The following MAOB variants were observed in gnomAD, a reference collection of about 807,000 sequenced individuals.
MAOB encodes monoamine oxidase B.
In MAOB, 15 loss-of-function variants were observed where a neutral mutation model predicts 41.9. The ratio of observed to expected loss-of-function variants is 0.36; its 90% CI spans 0.24 to 0.55. The LOEUF (loss-of-function observed/expected upper bound fraction) is 0.55. Ranked by LOEUF, MAOB falls within the 20% of genes least tolerant of loss-of-function variation. The probability of loss-of-function intolerance (pLI) is 0.86; values close to 1 mark genes in which losing one functional copy is unlikely to be tolerated. For missense variants in MAOB, 345 were observed against 398.7 expected (o/e 0.87, Z 1.15); for synonymous variants, 167 against 144.2 (o/e 1.16, Z -1.13).
At chrX:43,819,235 C>A (rs935324110) in intron 3 of MAOB, among the ~76,000 whole-genome samples, 2 of 111,847 alleles carry the variant, frequency 1.8e-5, no homozygotes, top group South Asian at 7.5e-4. Context: ...TTCAGTTACT[C>A]GGAGTGCTAT....
intron 3 of MAOB, among the ~76,000 whole-genome samples, chrX:43,812,849 G>T (rs983172284): frequency 3.6e-5 from 4 of 112,271 alleles, no homozygotes; most frequent in Admixed American, 2.8e-4. Context: ...CATGTGAAAG[G>T]CCTGGGATTG....
intron 1 of MAOB, among the ~76,000 whole-genome samples, chrX:43,853,044 T>C (rs1202964545): frequency 1.8e-5 from 2 of 110,346 alleles, no homozygotes; most frequent in African/African-American, 3.3e-5. Flanking sequence ...CTCACGCCTG[T>C]AACCCCAGCA....
At chrX:43,858,733 G>A (rs1049362974) in intron 1 of MAOB, among the ~76,000 whole-genome samples, 8 of 111,073 alleles carry the variant, frequency 7.2e-5, no homozygotes, top group East Asian at 2.8e-4. Context: ...ATCTAAATGC[G>A]CAAGAATCTT....
At chrX:43,823,239 C>T (rs1436296670) in intron 3 of MAOB, among the ~76,000 whole-genome samples, 2 of 88,771 alleles carry the variant, frequency 2.3e-5, no homozygotes, top group East Asian at 7.8e-4. Context: ...GTGGCATGAT[C>T]TTGGCTCACT....
At chrX:43,823,165 CTTTTTTTTTTTTTT>C (rs1181398583) in intron 3 of MAOB, among the ~76,000 whole-genome samples, 1 of 60,112 alleles carries the variant, frequency 1.7e-5, no homozygotes, top group Admixed American at 2.2e-4. Context: ...AACAGATGGT[CTTTTTTTTTTTTTT>C]TTTTTTTTTT....
At chrX:43,872,478 G>A (rs1480998145) in intron 1 of MAOB, among the ~76,000 whole-genome samples, 1 of 111,163 alleles carries the variant, frequency 9.0e-6, no homozygotes, top group Non-Finnish European at 1.9e-5. Context: ...AAACTTTCTT[G>A]GGCGACAATT....
intron 5 of MAOB, among the ~76,000 whole-genome samples, chrX:43,798,186 C>T (rs2034550912): frequency 9.0e-6 from 1 of 111,586 alleles, no homozygotes; most frequent in Non-Finnish European, 1.9e-5. Context: ...ATTGCTGTCT[C>T]CCCCCACTAG....
rs1319420700 is a variant in MAOB, at chrX:43,843,631, T to A, written c.141+39A>T. 2.6e-6 allele frequency: 3 copies of A among 1,170,676 alleles called. No homozygotes were observed. In the Admixed American group the frequency reaches 7.0e-5, roughly 27 times the overall value. On this transcript the variant is annotated intron_variant, in intron 2 of 14. Coordinates refer to ENST00000378069, the MANE Select transcript of MAOB (RefSeq NM_000898.5). ...CAAAAATGAAACCCCAAACTCAGCT[T>A]CAGTCCCACATTTGTCCTCCGGATT...
chrX:43,863,431 T>C (rs2147177775), intron 1 of MAOB, among the ~76,000 whole-genome samples: 1 of 111,887 alleles, frequency 8.9e-6, no homozygotes, highest in South Asian at 3.7e-4. Context: ...CAAATATAAA[T>C]GTGTGGTACA....
At chrX:43,839,708 C>T (rs780918582) in intron 2 of MAOB, among the ~76,000 whole-genome samples, 35 of 112,092 alleles carry the variant, frequency 3.1e-4, no homozygotes, top group African/African-American at 1.1e-3. Flanking sequence ...TTTCACAAGG[C>T]ATCTTTGTTT....
chrX:43,870,284 G>A (rs1242976447), intron 1 of MAOB, among the ~76,000 whole-genome samples: 2 of 112,105 alleles, frequency 1.8e-5, no homozygotes, highest in South Asian at 3.7e-4. Context: ...TCCATATTTT[G>A]AGCACTTCCA....
In MAOB at chrX:43,795,738, C is replaced by T; in HGVS notation, c.768+1G>A. 8.4e-7 allele frequency: 1 copy of T among 1,188,430 alleles called. No homozygotes were observed. The highest frequency in any genetic ancestry group is 1.1e-6 in the Non-Finnish European group (1 of 878,390). On this transcript the variant is annotated splice_donor_variant, in intron 7 of 14. Transcript: ENST00000378069. LOFTEE classifies it high-confidence loss of function. ...TATATATTTCACAATATCACAGTTA[C>T]CTCATACATCTCATGGTTTAGGGTC... is the stretch of plus-strand genomic sequence containing the variant.
chrX:43,862,012 G>A (rs1406094415), intron 1 of MAOB, among the ~76,000 whole-genome samples: 9 of 110,777 alleles, frequency 8.1e-5, no homozygotes, highest in African/African-American at 2.0e-4. Flanking sequence ...GGCCAATTCC[G>A]TCATGTTGAA....
intron 5 of MAOB, among the ~76,000 whole-genome samples, chrX:43,798,047 C>T (rs994106719): frequency 2.7e-5 from 3 of 112,028 alleles, no homozygotes; most frequent in African/African-American, 9.7e-5. Flanking sequence ...TCACATTTGT[C>T]TATGAAAACG....
chrX:43,879,399 G>A (rs1057018686), intron 1 of MAOB, among the ~76,000 whole-genome samples: 2 of 112,130 alleles, frequency 1.8e-5, no homozygotes, highest in Non-Finnish European at 3.8e-5. Context: ...AGCTTAGAAC[G>A]CAGAGTCAAA....
chrX:43,838,972 A>G lies in MAOB; in HGVS notation c.175T>C (p.Ser59Pro). Residue 59 changes from serine (S) to proline (P), a missense_variant, in exon 3 of 15, where the codon TCC becomes CCC. By Grantham distance (74) the Ser-to-Pro change is moderately conservative. Transcript: ENST00000378069. ...QKVKYVDLGG[S>P]YVGPTQNRIL... ...CGATTCTGGGTTGGTCCAACATAGGATCCTCCAAGGTCCACATATTTAACC... is the reference window on the plus strand; with the variant it reads ...CGATTCTGGGTTGGTCCAACATAGGGTCCTCCAAGGTCCACATATTTAACC... The G allele has an allele frequency of 8.3e-7, 1 of 1,201,064 alleles. No individual in the cohort carries two copies. Among genetic ancestry groups the G allele is most frequent in the Non-Finnish European group, 1.1e-6 (1 of 889,882 alleles).
intron 3 of MAOB, among the ~76,000 whole-genome samples, chrX:43,805,177 A>C (rs1407382863): frequency 9.0e-6 from 1 of 111,344 alleles, no homozygotes; most frequent in Non-Finnish European, 1.9e-5. Flanking sequence ...GAACACATAA[A>C]ATCTATTCTC....
intron 3 of MAOB, among the ~76,000 whole-genome samples, chrX:43,837,618 T>A (rs1173611611): frequency 8.9e-6 from 1 of 112,892 alleles, no homozygotes; most frequent in African/African-American, 3.2e-5. Context: ...TGTTTCATGA[T>A]TTATGGTCAG....
chrX:43,871,334 A>G lies in MAOB; in HGVS notation c.46+10920T>C, dbSNP rs148743169. On this transcript the variant is annotated intron_variant, in intron 1 of 14. Transcript: ENST00000378069. ...AGTGAAAGTGAAATTTCAACACTCT[A>G]TGTACATTAGAATATAGATTTAAGT... Among the ~76,000 whole-genome samples, 414 of 111,064 alleles carry G rather than the reference A, an allele frequency of 3.7e-3. 1 individual carries two copies. The highest frequency in any genetic ancestry group is 6.7e-3 in the Non-Finnish European group (355 of 52,936).
Sources: gnomAD v4.1 joint callset for allele counts (sites outside exome capture counted in the v4.1 genomes callset) on GRCh38, gnomAD v4.1.1 for gene constraint, MANE v1.5 for transcripts, NCBI Gene and HGNC (gene_info 2026-07-23, HGNC 2026-07-21) for gene names.